TSTD2: variants seen among roughly 807,000 people sequenced by gnomAD.
TSTD2 encodes thiosulfate sulfurtransferase like domain containing 2.
Under a neutral mutation model 47.9 loss-of-function variants are expected in TSTD2, and 37 were observed. The observed-to-expected ratio is 0.77, with a 90% CI of 0.59 to 1.02. The LOEUF (loss-of-function observed/expected upper bound fraction) is 1.02. TSTD2 is among the 50% of genes least tolerant of loss of function. TSTD2 has a pLI of 0.00. For missense variants in TSTD2, 586 were observed against 616.0 expected, an observed-to-expected ratio of 0.95 and a Z score of 0.52; for synonymous variants, 201 against 215.9, an observed-to-expected ratio of 0.93 and a Z score of 0.61.
rs372322868 is a variant in TSTD2, at chr9:97,627,365, T to C, written c.165+33A>G. The C allele has an allele frequency of 3.3e-5, 52 of 1,567,178 alleles. No homozygotes were observed. The African/African-American group carries it at 7.1e-4, about 21-fold the overall frequency. On this transcript the variant is annotated intron_variant, in intron 2 of 9. Transcript: ENST00000341170. ...CAAATGTATCTGCGTTAACCACACA[T>C]ACATGATCATGAAACATTCATAAGA...
intron 3 of TSTD2, among the ~76,000 whole-genome samples, chr9:97,622,971 T>C (rs1826664795): frequency 6.6e-6 from 1 of 152,226 alleles, no homozygotes; most frequent in Non-Finnish European, 1.5e-5. Flanking sequence ...TTTGAGTTAA[T>C]GCTGAAATAA....
Position 97,605,583 on chromosome 9 carries a change from T to C in TSTD2, c.1013A>G (p.Tyr338Cys). Residue 338 changes from tyrosine (Y) to cysteine (C), a missense_variant, in exon 8 of 10, where the codon TAC becomes TGC. Physicochemically the swap from Tyr to Cys is radical, Grantham distance 194 (BLOSUM62 -2). Transcript: ENST00000341170. ...DIRKFSYFPS[Y>C]VDKNLELFRE... The stretch of plus-strand genomic sequence containing the variant: ...GAAAAGTTCTAGATTTTTGTCAACG[T>C]AGCTAGGGAAGTAACTGAATTTCCT... 2 of 1,614,216 alleles carry C rather than the reference T, an allele frequency of 1.2e-6. No individual in the cohort carries two copies. Among genetic ancestry groups the C allele is most frequent in the Non-Finnish European group, 1.7e-6 (2 of 1,180,040 alleles).
chr9:97,629,922 C>T lies in TSTD2; in HGVS notation c.-50-2310G>A, dbSNP rs1326126146. Among the ~76,000 whole-genome samples, 7 of 152,328 alleles carry T rather than the reference C, an allele frequency of 4.6e-5. No homozygotes were observed. The East Asian group carries it at 9.6e-4, about 21-fold the overall frequency. On this transcript the variant is annotated intron_variant, in intron 1 of 9. Transcript: ENST00000341170. ...TCCCACCTCCAGCATCTTTTCCAAT[C>T]TCCCTCTATATGACCTGATGTAGTC...
At chr9:97,629,650 G>A (rs1036549905) in intron 1 of TSTD2, among the ~76,000 whole-genome samples, 1 of 152,214 alleles carries the variant, frequency 6.6e-6, no homozygotes, top group Non-Finnish European at 1.5e-5. Flanking sequence ...AAACCTGTAA[G>A]CCTTCCAGGC....
intron 1 of TSTD2, among the ~76,000 whole-genome samples, chr9:97,627,965 G>A (rs759690265): frequency 1.3e-5 from 2 of 152,232 alleles, no homozygotes; most frequent in East Asian, 3.9e-4. Flanking sequence ...GAAGCCCTTC[G>A]AACACAGAGA....
At chr9:97,612,098 T>C (rs1174961802) in intron 4 of TSTD2, among the ~76,000 whole-genome samples, 1 of 152,184 alleles carries the variant, frequency 6.6e-6, no homozygotes, top group African/African-American at 2.4e-5. Context: ...CACTTATAAG[T>C]GAAAATATGT....
At chr9:97,631,583 A>T (rs1826813410) in intron 1 of TSTD2, among the ~76,000 whole-genome samples, 1 of 152,068 alleles carries the variant, frequency 6.6e-6, no homozygotes. Context: ...AATAAGTCAG[A>T]CTGGCCCTGC....
At position 97,623,128 on chromosome 9, in the gene TSTD2, CATGGGAGGACCCCA is replaced by C. The variant is rs559068544; in HGVS notation, c.482+2539_482+2552del. ...TGTAATTCTCACAATTCCCACGTGT[CATGGGAGGACCCCA>C]GTGGGAGGTAATTGAATCACGGGGA... On this transcript the variant is annotated intron_variant, in intron 3 of 9. Transcript: ENST00000341170. Among the ~76,000 whole-genome samples the C allele has an allele frequency of 3.9e-5, 6 of 152,326 alleles. No individual in the cohort carries two copies. The South Asian group carries it at 1.2e-3, about 32-fold the overall frequency.
Position 97,633,345 on chromosome 9 carries a change from T to C in TSTD2, c.-153A>G, listed in dbSNP as rs1826878869. The C allele has an allele frequency of 5.5e-6, 2 of 364,242 alleles. No homozygotes were observed. The highest frequency in any genetic ancestry group is 9.8e-6 in the Non-Finnish European group (2 of 204,266). 22.6% of individuals were successfully genotyped at this position (364,242 alleles called of 1,614,324 possible). A position where few individuals can be genotyped will look rare whatever the true frequency, so the allele number is the denominator to read the frequency against. ...CGAGCCTATTCCCCCGCCGCGTATTTGGGTAGAAAAGCTCGCTCGTGACGT... is the reference window on the plus strand; with the variant it reads ...CGAGCCTATTCCCCCGCCGCGTATTCGGGTAGAAAAGCTCGCTCGTGACGT... On this transcript the variant is annotated 5_prime_UTR_variant, in exon 1 of 10. Transcript: ENST00000341170.
rs1826275870 is a variant in TSTD2, at chr9:97,602,374, G to A, written c.*95C>T. 1.6e-5 allele frequency: 23 copies of A among 1,415,456 alleles called. No individual in the cohort carries two copies. In the South Asian group the frequency reaches 2.0e-4, roughly 12 times the overall value. The allele number at this position is 1,415,456 out of a possible 1,614,324, so 87.7% of individuals were successfully genotyped here. A position where few individuals can be genotyped will look rare whatever the true frequency, so the allele number is the denominator to read the frequency against. On this transcript the variant is annotated 3_prime_UTR_variant, in exon 10 of 10. Transcript: ENST00000341170. The stretch of plus-strand genomic sequence containing the variant: ...GGCAGCGGCCAGAACTGAAGTTCCC[G>A]ATTTCTCTGTTTCTGCAGTCTTGCC...
At chr9:97,627,743 A>G (rs2131318362) in intron 1 of TSTD2, 131 bp from the exon 2 acceptor site, 1 of 542,604 alleles carries the variant, frequency 1.8e-6, no homozygotes, top group Non-Finnish European at 3.2e-6. Flanking sequence ...TTACTAAATC[A>G]ATAGTATTTA....
intron 5 of TSTD2, among the ~76,000 whole-genome samples, chr9:97,611,274 A>G (rs1024229524): frequency 4.6e-5 from 7 of 152,084 alleles, no homozygotes; most frequent in Non-Finnish European, 1.0e-4. Context: ...CGTCTCTACA[A>G]AAAAATTAGC....
At chr9:97,624,186 G>A (rs180914961) in intron 3 of TSTD2, among the ~76,000 whole-genome samples, 64 of 152,224 alleles carry the variant, frequency 4.2e-4, no homozygotes, top group Admixed American at 8.5e-4. Flanking sequence ...GTTAGTCTAC[G>A]TGACCAATAG....
intron 3 of TSTD2, among the ~76,000 whole-genome samples, chr9:97,622,127 G>A (rs1458171840): frequency 1.3e-5 from 2 of 152,228 alleles, no homozygotes; most frequent in Non-Finnish European, 2.9e-5. Flanking sequence ...CCCCGATAAT[G>A]CCTGAGGGTC....
At chr9:97,603,009 C>CTTTTTCCCATCTAGAGAACAGGTG in intron 9 of TSTD2, 1 of 417,004 alleles carries the variant, frequency 2.4e-6, no homozygotes. Context: ...CTTTTTTTTT[C>CTTTTTCCCATCTAGAGAACAGGTG]TTTTTCCCAT....
chr9:97,621,932 C>G (rs1212521464), intron 3 of TSTD2, among the ~76,000 whole-genome samples: 2 of 152,038 alleles, frequency 1.3e-5, no homozygotes, highest in African/African-American at 4.8e-5. Flanking sequence ...TTTGAAATCC[C>G]TAATAAAAAC....
In TSTD2 at chr9:97,604,780, A is replaced by T; in HGVS notation, c.1199T>A (p.Leu400Ter). Residue 400 changes from leucine to a stop codon, truncating the protein, a stop_gained, in exon 9 of 10, where the codon TTG becomes TAG. Coordinates refer to ENST00000341170, the MANE Select transcript of TSTD2 (RefSeq NM_139246.5). LOFTEE classifies it high-confidence loss of function. Reference sequence around the variant, plus strand: ...AGCATAGCGTTCATCAAAAACAAACAACTTCCCTTTGTAAAAGCCATCAGG... The same window carrying T: ...AGCATAGCGTTCATCAAAAACAAACTACTTCCCTTTGTAAAAGCCATCAGG... ...EFPDGFYKGK[L>*]FVFDERYALS... 1.2e-6 allele frequency: 2 copies of T among 1,614,172 alleles called. No individual in the cohort carries two copies. Among genetic ancestry groups the T allele is most frequent in the Non-Finnish European group, 1.7e-6 (2 of 1,180,036 alleles).
intron 1 of TSTD2, among the ~76,000 whole-genome samples, chr9:97,631,586 G>A (rs551033188): frequency 1.3e-5 from 2 of 152,310 alleles, no homozygotes; most frequent in South Asian, 4.1e-4. Context: ...AAGTCAGACT[G>A]GCCCTGCACA....
intron 3 of TSTD2, among the ~76,000 whole-genome samples, chr9:97,618,896 A>C (rs1826585698): frequency 6.6e-6 from 1 of 152,094 alleles, no homozygotes; most frequent in Non-Finnish European, 1.5e-5. Flanking sequence ...CCTTTCTCTA[A>C]GCTCCTATAA....
Sources: allele counts gnomAD v4.1 joint callset (sites outside exome capture counted in the v4.1 genomes callset), GRCh38; gene constraint gnomAD v4.1.1; transcripts MANE v1.5; gene names NCBI Gene and HGNC (gene_info 2026-07-23, HGNC 2026-07-21).